PRDM15: variants seen among roughly 807,000 people sequenced by gnomAD.
PRDM15 encodes the protein PR domain zinc finger protein 15.
A neutral mutation model predicts 128.6 loss-of-function variants in PRDM15; 64 were observed. The ratio of observed to expected loss-of-function variants is 0.50; its 90% CI spans 0.41 to 0.61. PRDM15 has a LOEUF of 0.61. PRDM15 is among the 20% of genes least tolerant of loss of function. The pLI is 0.00. For missense variants in PRDM15, 1,242 were observed against 1,569.1 expected (o/e 0.79, Z 3.52); for synonymous variants, 615 against 621.8 (o/e 0.99, Z 0.16).
chr21:41,815,654 T>C, intron 19 of PRDM15, 51 bp downstream of exon 19: 1 of 1,600,892 alleles, frequency 6.2e-7, no homozygotes, highest in Non-Finnish European at 8.5e-7. Flanking sequence ...CCCACCTGGC[T>C]TCCCTACACA....
chr21:41,854,574 C>A lies in PRDM15; in HGVS notation c.530G>T (p.Gly177Val). 1.2e-6 allele frequency: 2 copies of A among 1,613,128 alleles called. No homozygotes were observed. The highest frequency in any genetic ancestry group is 1.7e-6 in the Non-Finnish European group (2 of 1,179,968). Reference sequence around the variant, plus strand: ...CGGGGGCCGCCACATACCGTGGACGCCAGAGCCGGCCTGCTTCAGCATGGG... The same window carrying A: ...CGGGGGCCGCCACATACCGTGGACGACAGAGCCGGCCTGCTTCAGCATGGG... ...DKPMLKQAGSGVHAAGTPENS... is the reference protein window; with the variant it reads ...DKPMLKQAGSVVHAAGTPENS... The change falls in exon 5 of 24, where the codon GGC (glycine) becomes GTC (valine). Residue 177 changes from glycine (G) to valine (V), a missense_variant. By Grantham distance (109) the Gly-to-Val change is moderately radical. Coordinates refer to ENST00000398548, the MANE Select transcript of PRDM15 (RefSeq NM_001040424.3). This position sits in a 1 kb window ranked among gnomAD's most constrained non-coding sequence, Gnocchi z 4.6.
chr21:41,863,808 G>A (rs993398090), intron 1 of PRDM15, among the ~76,000 whole-genome samples: 3 of 151,872 alleles, frequency 2.0e-5, no homozygotes, highest in Non-Finnish European at 4.4e-5. Flanking sequence ...GAACAAAACA[G>A]ACAACCCAGA....
In PRDM15 at chr21:41,828,104, C is replaced by T; in HGVS notation, c.1534+62G>A. The T allele has an allele frequency of 6.3e-7, 1 of 1,582,062 alleles. No homozygotes were observed. The highest frequency in any genetic ancestry group is 8.6e-7 in the Non-Finnish European group (1 of 1,159,374). On this transcript the variant is annotated intron_variant, in intron 12 of 23. Transcript: ENST00000398548. The surrounding 1 kb of genome is among the most constrained non-coding windows in gnomAD (Gnocchi z 5.7). ...AGGCCCTGCTGACTGCTCCATGCCG[C>T]CCTGCCCCACCCCGCAGGAGCTGCC...
At chr21:41,806,966 C>T (rs1481110434) in intron 21 of PRDM15, among the ~76,000 whole-genome samples, 1 of 151,716 alleles carries the variant, frequency 6.6e-6, no homozygotes, top group East Asian at 2.0e-4. Flanking sequence ...ACCATCATCA[C>T]CACCATCAAC....
chr21:41,848,481 G>A (rs1206450671), intron 5 of PRDM15, among the ~76,000 whole-genome samples: 1 of 152,208 alleles, frequency 6.6e-6, no homozygotes, highest in Admixed American at 6.5e-5. Flanking sequence ...TCCCTTTTAC[G>A]CTTGCTCTCT....
At chr21:41,805,750 C>CCTCTATCATCAGTATCATCACCAT (rs2061541500) in intron 21 of PRDM15, among the ~76,000 whole-genome samples, 4 of 150,892 alleles carry the variant, frequency 2.7e-5, no homozygotes, top group African/African-American at 9.8e-5. Flanking sequence ...ATCATTACCA[C>CCTCTATCATCAGTATCATCACCAT]CTCTATCATC....
chr21:41,836,794 A>C, intron 8 of PRDM15, 145 bp from the exon 9 acceptor site: 1 of 609,364 alleles, frequency 1.6e-6, no homozygotes, highest in Non-Finnish European at 2.9e-6. Flanking sequence ...CCCGGGCGTC[A>C]CTCCCAGCTT....
rs866235907 is a variant in PRDM15 at position 41,838,202 on chromosome 21, A to G, written c.872-139T>C. ...ACAAATGTTGAGGTTTACAGAGGGG[A>G]AAAAAAAAACTGTCAATATTTTGGG... On this transcript the variant is annotated intron_variant, in intron 7 of 23. Transcript: ENST00000398548. 28 of 695,198 alleles carry G rather than the reference A, an allele frequency of 4.0e-5. 1 individual carries two copies. In the Middle Eastern group the frequency reaches 3.5e-3, roughly 87 times the overall value. 43.1% of individuals were successfully genotyped at this position (695,198 alleles called of 1,614,324 possible).
rs1427563447 is a variant in PRDM15 at position 41,820,038 on chromosome 21, C to T, written c.2140+57G>A. 4 of 1,464,658 alleles carry T rather than the reference C, an allele frequency of 2.7e-6. No homozygotes were observed. In the African/African-American group the frequency reaches 5.6e-5, roughly 20 times the overall value. 90.7% of individuals were successfully genotyped at this position (1,464,658 alleles called of 1,614,324 possible). A position where few individuals can be genotyped will look rare whatever the true frequency, so the allele number is the denominator to read the frequency against. Reference sequence around the variant, plus strand: ...GAATACGCGGAGACCCCCAGCATCCCTCCCTGCCAGCCCCCTCCAGCGAGG... The same window carrying T: ...GAATACGCGGAGACCCCCAGCATCCTTCCCTGCCAGCCCCCTCCAGCGAGG... On this transcript the variant is annotated intron_variant, in intron 17 of 23. Coordinates refer to ENST00000398548, the MANE Select transcript of PRDM15 (RefSeq NM_001040424.3).
At chr21:41,820,688 G>A (rs371520217) in intron 16 of PRDM15, among the ~76,000 whole-genome samples, 3 of 152,206 alleles carry the variant, frequency 2.0e-5, no homozygotes, top group Admixed American at 6.5e-5. Context: ...GCCCCTGCAC[G>A]GGACTGTTTA....
At chr21:41,835,219 A>C (rs2062832089) in intron 11 of PRDM15, among the ~76,000 whole-genome samples, 1 of 152,196 alleles carries the variant, frequency 6.6e-6, no homozygotes. Context: ...TGACAAATGC[A>C]GGAAGAAAAT....
chr21:41,826,202 C>T (rs1014736210), intron 12 of PRDM15, 148 bp from the exon 13 acceptor site: 68 of 632,118 alleles, frequency 1.1e-4, no homozygotes, highest in Non-Finnish European at 9.8e-5. Flanking sequence ...GTTTAAGTAA[C>T]ATCACTTGCA....
At chr21:41,852,691 C>A (rs542466853) in intron 5 of PRDM15, among the ~76,000 whole-genome samples, 1 of 152,344 alleles carries the variant, frequency 6.6e-6, no homozygotes, top group African/African-American at 2.4e-5. Context: ...ACGCCGCCAC[C>A]GCTGCAGGCC....
chr21:41,820,966 T>C, intron 16 of PRDM15, 101 bp downstream of exon 16: 1 of 1,452,508 alleles, frequency 6.9e-7, no homozygotes, highest in Non-Finnish European at 9.6e-7. Context: ...GGACATCACT[T>C]GTTGGAAGCT....
chr21:41,818,974 G>A (rs28708397), intron 18 of PRDM15, among the ~76,000 whole-genome samples: 81,767 of 151,986 alleles, frequency 0.54, 23,027 homozygotes, highest in Non-Finnish European at 0.63. Context: ...TAGTGAATAC[G>A]CTGAGGGTTT....
In PRDM15 at chr21:41,859,485, T is replaced by C. The variant is rs140460280; in HGVS notation, c.131+107A>G. On this transcript the variant is annotated intron_variant, in intron 3 of 23. Transcript: ENST00000398548. The surrounding 1 kb of genome is among the most constrained non-coding windows in gnomAD (Gnocchi z 5.3). ...ATCGCTGGCTCTCACTCAGAGTGCCTCTGTTCTCCCTCAGGCTCCTTCCTC... is the reference window on the plus strand; with the variant it reads ...ATCGCTGGCTCTCACTCAGAGTGCCCCTGTTCTCCCTCAGGCTCCTTCCTC... The C allele has an allele frequency of 5.5e-6, 5 of 902,896 alleles. No homozygotes were observed. Among genetic ancestry groups the C allele is most frequent in the Non-Finnish European group, 3.4e-6 (2 of 586,284 alleles). 55.9% of individuals were successfully genotyped at this position (902,896 alleles called of 1,614,324 possible).
Position 41,810,912 on chromosome 21 carries a change from G to T in PRDM15, c.2393-76C>A. 1 of 1,388,604 alleles carries T rather than the reference G, an allele frequency of 7.2e-7. No homozygotes were observed. The highest frequency in any genetic ancestry group is 1.2e-5 in the South Asian group (1 of 85,988). The allele number at this position is 1,388,604 out of a possible 1,614,324, so 86.0% of individuals were successfully genotyped here. A position where few individuals can be genotyped will look rare whatever the true frequency, so the allele number is the denominator to read the frequency against. On this transcript the variant is annotated intron_variant, in intron 19 of 23. Coordinates refer to ENST00000398548, the MANE Select transcript of PRDM15 (RefSeq NM_001040424.3). The surrounding 1 kb of genome is among the most constrained non-coding windows in gnomAD (Gnocchi z 6.4). ...CCACATCAGGGCATGTCTTCTCCCT[G>T]ACACGTTCCAGGCACTGTAGGGCCT...
intron 18 of PRDM15, among the ~76,000 whole-genome samples, chr21:41,818,722 C>T (rs770017653): frequency 2.0e-5 from 3 of 151,880 alleles, no homozygotes; most frequent in Non-Finnish European, 4.4e-5. Context: ...TGAGCAGGGT[C>T]GCTTGAAACA....
chr21:41,801,492 T>G lies in PRDM15; in HGVS notation c.3174A>C (p.Gln1058His), dbSNP rs1452588413. 6.2e-7 allele frequency: 1 copy of G among 1,614,216 alleles called. No individual in the cohort carries two copies. Among genetic ancestry groups the G allele is most frequent in the East Asian group, 2.2e-5 (1 of 44,882 alleles). ...VSGSAMLHNR[Q>H]NDVQIHPQPE... is the part of the protein sequence containing the mutation. ...GCTGGGGGTGGATCTGGACGTCATTTTGGCGGTTGTGCAACATGGCAGAGC... is the reference window on the plus strand; with the variant it reads ...GCTGGGGGTGGATCTGGACGTCATTGTGGCGGTTGTGCAACATGGCAGAGC... The change falls in exon 24 of 24, where the codon CAA (glutamine) becomes CAC (histidine). Residue 1058 changes from glutamine to histidine, a missense_variant. Physicochemically the swap from Gln to His is conservative, Grantham distance 24. Around this residue, in one of 3 missense-constraint regions of PRDM15, gnomAD observed 602 missense variants for 788.3 expected, o/e 0.76. Coordinates refer to ENST00000398548, the MANE Select transcript of PRDM15 (RefSeq NM_001040424.3).
Sources: gnomAD v4.1 joint callset for allele counts (sites outside exome capture counted in the v4.1 genomes callset) on GRCh38, gnomAD v4.1.1 for gene constraint, gnomAD v4.1.1 regional missense constraint, Gnocchi (gnomAD v3.1) non-coding constraint, MANE v1.5 for transcripts, NCBI Gene and HGNC (gene_info 2026-07-23, HGNC 2026-07-21) for gene names.